B3GALT1: variants seen among roughly 807,000 people sequenced by gnomAD.
B3GALT1 encodes the protein UDP-Gal:betaGlcNAc beta 1,3-galactosyltransferase, polypeptide 1.
B3GALT1 carries 10 observed loss-of-function variants against 23.2 expected under a neutral mutation model. That is an observed-to-expected ratio of 0.43 (90% confidence interval 0.27 to 0.73). The LOEUF (loss-of-function observed/expected upper bound fraction) is 0.73. Among genes scored for constraint, B3GALT1 ranks in the 30% least tolerant of loss-of-function variants. The pLI, the probability that B3GALT1 is intolerant of heterozygous loss-of-function variation, is 0.21. For missense variants in B3GALT1, 299 were observed against 405.4 expected (o/e 0.74, Z 2.25); for synonymous variants, 156 against 141.5 (o/e 1.10, Z -0.73).
At chr2:167,427,687 C>T (rs563714545) in intron 1 of B3GALT1, among the ~76,000 whole-genome samples, 5 of 152,274 alleles carry the variant, frequency 3.3e-5, no homozygotes, top group African/African-American at 9.6e-5. Context: ...CAGGCGGACA[C>T]CACACCCAGC....
intron 2 of B3GALT1, among the ~76,000 whole-genome samples, chr2:167,505,132 A>G (rs1699900802): frequency 6.6e-6 from 1 of 152,216 alleles, no homozygotes. Context: ...CTATGTATAC[A>G]AAGGATGTAT....
At chr2:167,765,849 T>A (rs975852120) in intron 3 of B3GALT1, among the ~76,000 whole-genome samples, 2 of 152,230 alleles carry the variant, frequency 1.3e-5, no homozygotes, top group Non-Finnish European at 2.9e-5. Flanking sequence ...AACACCATAA[T>A]AAGCTTGCAC....
intron 2 of B3GALT1, among the ~76,000 whole-genome samples, chr2:167,564,122 C>G (rs1233073560): frequency 2.7e-5 from 4 of 150,574 alleles, no homozygotes; most frequent in East Asian, 4.0e-4. Context: ...GGCTGCCTGG[C>G]GGAGGGGCTC....
intron 2 of B3GALT1, among the ~76,000 whole-genome samples, chr2:167,513,128 A>T (rs1439683100): frequency 6.6e-6 from 1 of 151,170 alleles, no homozygotes; most frequent in African/African-American, 2.4e-5. Flanking sequence ...AACTACTTAC[A>T]GAAAATTTGG....
chr2:167,752,464 A>G (rs912760190), intron 3 of B3GALT1, among the ~76,000 whole-genome samples: 1 of 152,026 alleles, frequency 6.6e-6, no homozygotes, highest in Non-Finnish European at 1.5e-5. Flanking sequence ...GTGATGTTGC[A>G]TACCATTTAT....
intron 4 of B3GALT1, among the ~76,000 whole-genome samples, chr2:167,849,633 A>G (rs1689829736): frequency 6.6e-6 from 1 of 152,168 alleles, no homozygotes; most frequent in African/African-American, 2.4e-5. Context: ...CAAGCCTGTA[A>G]TCCCAGCACT....
chr2:167,491,634 GA>G (rs1214013270), intron 2 of B3GALT1, among the ~76,000 whole-genome samples: 1 of 151,828 alleles, frequency 6.6e-6, no homozygotes, highest in East Asian at 1.9e-4. Context: ...CTAACATGGT[GA>G]AACCCTGTCT....
rs145276468 is a variant in B3GALT1, at chr2:167,689,912, A to C, written c.-352+42946A>C. On this transcript the variant is annotated intron_variant, in intron 3 of 4. Transcript: ENST00000392690. ...CAACAACTGGAAGCATAAGGTTGGC[A>C]TTACTTGATATTGAAAAGGCTTCTG... 6.6e-4 allele frequency among the ~76,000 whole-genome samples: 100 copies of C among 152,304 alleles called. 1 individual carries two copies. The highest frequency in any genetic ancestry group is 1.3e-3 in the Non-Finnish European group (88 of 68,010).
intron 3 of B3GALT1, among the ~76,000 whole-genome samples, chr2:167,665,636 T>G (rs1375796623): frequency 6.6e-6 from 1 of 152,060 alleles, no homozygotes; most frequent in Non-Finnish European, 1.5e-5. Flanking sequence ...TGCCACAATT[T>G]CAGATCCTGT....
At chr2:167,683,170 A>T (rs901372642) in intron 3 of B3GALT1, among the ~76,000 whole-genome samples, 3 of 152,344 alleles carry the variant, frequency 2.0e-5, no homozygotes, top group Non-Finnish European at 2.9e-5. Flanking sequence ...TGGAGCAAGA[A>T]TAGAATATTT....
intron 1 of B3GALT1, among the ~76,000 whole-genome samples, chr2:167,486,446 G>A (rs558762052): frequency 6.6e-6 from 1 of 151,732 alleles, no homozygotes; most frequent in Non-Finnish European, 1.5e-5. Context: ...TATTTAGGCC[G>A]GGCACAGTGG....
chr2:167,667,247 A>T (rs1686215842), intron 3 of B3GALT1, among the ~76,000 whole-genome samples: 1 of 152,098 alleles, frequency 6.6e-6, no homozygotes, highest in Non-Finnish European at 1.5e-5. Context: ...TGGGTTGAAA[A>T]TTCTTTTCTT....
In B3GALT1 at chr2:167,751,574, C is replaced by T. The variant is rs527297577; in HGVS notation, c.-351-67098C>T. 1.9e-4 allele frequency among the ~76,000 whole-genome samples: 29 copies of T among 152,314 alleles called. No homozygotes were observed. In the Middle Eastern group the frequency reaches 0.01, roughly 54 times the overall value. On this transcript the variant is annotated intron_variant, in intron 3 of 4. Coordinates refer to ENST00000392690, the MANE Select transcript of B3GALT1 (RefSeq NM_020981.4). ...TATGAGGATAATTGGACCCTAGCCT[C>T]ATAGTCAGTTCAGAAAACAGTCAGT...
intron 2 of B3GALT1, among the ~76,000 whole-genome samples, chr2:167,574,065 A>C (rs1387854531): frequency 6.6e-6 from 1 of 151,708 alleles, no homozygotes; most frequent in Non-Finnish European, 1.5e-5. Flanking sequence ...ATTTACTTTC[A>C]AAATTATTTT....
intron 2 of B3GALT1, among the ~76,000 whole-genome samples, chr2:167,599,541 T>C (rs922548719): frequency 2.0e-5 from 3 of 152,232 alleles, no homozygotes; most frequent in Non-Finnish European, 4.4e-5. Context: ...TTTTTCATGA[T>C]GCATGTGTTG....
At chr2:167,785,890 G>T (rs575000924) in intron 3 of B3GALT1, among the ~76,000 whole-genome samples, 3 of 152,174 alleles carry the variant, frequency 2.0e-5, no homozygotes, top group African/African-American at 4.8e-5. Context: ...GGTTGACAAA[G>T]CTCTGTTCAC....
chr2:167,552,265 A>G (rs998665560), intron 2 of B3GALT1, among the ~76,000 whole-genome samples: 4 of 151,996 alleles, frequency 2.6e-5, no homozygotes, highest in Admixed American at 1.3e-4. Flanking sequence ...ATGATTACCA[A>G]CCTCTCCTTC....
chr2:167,325,247 T>G (rs547528160), intron 1 of B3GALT1, among the ~76,000 whole-genome samples: 2 of 152,190 alleles, frequency 1.3e-5, no homozygotes, highest in South Asian at 2.1e-4. Flanking sequence ...TGTTTTAGTT[T>G]GTTCTTGCAT....
chr2:167,593,265 A>G (rs1465911701), intron 2 of B3GALT1, among the ~76,000 whole-genome samples: 3 of 152,256 alleles, frequency 2.0e-5, no homozygotes, highest in African/African-American at 7.2e-5. Context: ...GATATATTAT[A>G]CAACAGTTAA....
Sources: gnomAD v4.1 joint callset for allele counts (sites outside exome capture counted in the v4.1 genomes callset) on GRCh38, gnomAD v4.1.1 for gene constraint, MANE v1.5 for transcripts, NCBI Gene and HGNC (gene_info 2026-07-23, HGNC 2026-07-21) for gene names.